Variants in DDX11 observed in about 807,000 individuals in gnomAD.
DDX11 encodes the protein DEAD/H-box helicase 11.
A neutral mutation model predicts 125.2 loss-of-function variants in DDX11; 72 were observed. The ratio of observed to expected loss-of-function variants is 0.58; its 90% CI spans 0.48 to 0.70. DDX11 has a LOEUF of 0.70. DDX11 is among the 30% of genes least tolerant of loss of function. The probability of loss-of-function intolerance (pLI) is 0.00; values close to 1 mark genes in which losing one functional copy is unlikely to be tolerated. For missense variants in DDX11, 883 were observed against 1,165.0 expected, an observed-to-expected ratio of 0.76 and a Z score of 3.52; for synonymous variants, 347 against 452.6, an observed-to-expected ratio of 0.77 and a Z score of 2.96.
chr12:31,090,608 C>T (rs1000836755), intron 9 of DDX11, among the ~76,000 whole-genome samples: 3 of 152,220 alleles, frequency 2.0e-5, no homozygotes, highest in Non-Finnish European at 4.4e-5. Context: ...GATTTTTAAA[C>T]AGAAGGAAGA....
In DDX11 at chr12:31,102,640, G is replaced by A. The variant is rs554375063; in HGVS notation, c.2372+113G>A. 341 of 966,256 alleles carry A rather than the reference G, an allele frequency of 3.5e-4. 1 individual carries two copies. In the African/African-American group the frequency reaches 3.8e-3, roughly 11 times the overall value. The allele number at this position is 966,256 out of a possible 1,614,324, so 59.9% of individuals were successfully genotyped here. A position where few individuals can be genotyped will look rare whatever the true frequency, so the allele number is the denominator to read the frequency against. On this transcript the variant is annotated intron_variant, in intron 23 of 26. Coordinates refer to ENST00000542838, the MANE Select transcript of DDX11 (RefSeq NM_030653.4). Reference sequence around the variant, plus strand: ...CCATTAGAGCCCACAGCTGGGCTGCGACTGCTCAGACCAGCCAGCTGGAGG... The same window carrying A: ...CCATTAGAGCCCACAGCTGGGCTGCAACTGCTCAGACCAGCCAGCTGGAGG...
chr12:31,099,076 C>CTTTTTTTT (rs1945864738), intron 18 of DDX11, among the ~76,000 whole-genome samples: 11 of 60,546 alleles, frequency 1.8e-4, no homozygotes, highest in African/African-American at 8.7e-4. Flanking sequence ...GTATTTCTTT[C>CTTTTTTTT]TTTCTTTCTT....
intron 1 of DDX11, chr12:31,074,367 CTG>C (rs2140355224): frequency 6.6e-6 from 1 of 152,374 alleles, no homozygotes; most frequent in Non-Finnish European, 1.5e-5. Context: ...CTTACGGAAA[CTG>C]AGCCCCAGCG....
chr12:31,086,923 G>A (rs1943265316), intron 5 of DDX11, among the ~76,000 whole-genome samples: 1 of 135,036 alleles, frequency 7.4e-6, no homozygotes, highest in African/African-American at 3.0e-5. Context: ...TGACCATGAA[G>A]CCAAGCCTGT....
In DDX11 at chr12:31,074,006, G is replaced by A. The variant is rs1565827656; in HGVS notation, c.-90G>A. The A allele has an allele frequency of 6.6e-6, 1 of 152,376 alleles. No individual in the cohort carries two copies. Among genetic ancestry groups the A allele is most frequent in the African/African-American group, 2.4e-5 (1 of 41,474 alleles). The allele number at this position is 152,376 out of a possible 1,614,324, so 9.4% of individuals were successfully genotyped here. A position where few individuals can be genotyped will look rare whatever the true frequency, so the allele number is the denominator to read the frequency against. ...GCTGTGTGGCAGCAGAGCTCCTTAG[G>A]ACGAGGAGCAGCGGGACGAGGAAGG... On this transcript the variant is annotated 5_prime_UTR_variant, in exon 1 of 27. Transcript: ENST00000542838.
At chr12:31,075,074 A>G (rs1206138768) in intron 1 of DDX11, among the ~76,000 whole-genome samples, 3 of 152,198 alleles carry the variant, frequency 2.0e-5, no homozygotes, top group Admixed American at 1.3e-4. Flanking sequence ...ACCTCGTTTT[A>G]TGAGCGTGAG....
intron 4 of DDX11, 71 bp from the exon 5 acceptor site, chr12:31,084,898 T>C: frequency 1.3e-6 from 2 of 1,543,106 alleles, no homozygotes; most frequent in Non-Finnish European, 1.8e-6. Context: ...GCTTTGTCTC[T>C]GGCATGTGGG....
chr12:31,102,056 A>G lies in DDX11; in HGVS notation c.2202+74A>G, dbSNP rs566412987. The stretch of plus-strand genomic sequence containing the variant: ...AGTCCTCCTGGGAGCTCTCGTGCTC[A>G]TCGGGTCAGGACAGGCTTCTGGCTC... On this transcript the variant is annotated intron_variant, in intron 21 of 26. Transcript: ENST00000542838. 85 of 1,581,214 alleles carry G rather than the reference A, an allele frequency of 5.4e-5. No homozygotes were observed. The African/African-American group carries it at 9.9e-4, about 18-fold the overall frequency.
intron 2 of DDX11, among the ~76,000 whole-genome samples, chr12:31,081,643 C>T (rs1322655265): frequency 4.6e-5 from 7 of 151,190 alleles, no homozygotes; most frequent in Non-Finnish European, 8.8e-5. Flanking sequence ...AGCTCTGAGC[C>T]CCATGCTTGC....
chr12:31,097,757 GTTTAA>G (rs1446021223), intron 17 of DDX11, 123 bp from the exon 18 acceptor site: 15 of 695,948 alleles, frequency 2.2e-5, no homozygotes, highest in Non-Finnish European at 3.2e-5. Flanking sequence ...ATTAAATGGT[GTTTAA>G]TTTAAAGAGA....
Position 31,092,267 on chromosome 12 carries a change from A to G in DDX11, c.1242+396A>G, listed in dbSNP as rs556766910. 1.7e-4 allele frequency among the ~76,000 whole-genome samples: 26 copies of G among 152,084 alleles called. No individual in the cohort carries two copies. The East Asian group carries it at 2.9e-3, about 17-fold the overall frequency. On this transcript the variant is annotated intron_variant, in intron 10 of 26. Transcript: ENST00000542838. ...CAGCGCAGGCTCCTCCTGCTGCCCT[A>G]TCATGCGCCATGCATGGCACCAGGT...
chr12:31,079,749 G>A (rs1941495772), intron 2 of DDX11, among the ~76,000 whole-genome samples: 1 of 152,162 alleles, frequency 6.6e-6, no homozygotes, highest in Non-Finnish European at 1.5e-5. Context: ...CCAAGTACCT[G>A]GTGGCTGGCA....
chr12:31,100,494 G>T, intron 18 of DDX11, 141 bp from the exon 19 acceptor site: 2 of 693,710 alleles, frequency 2.9e-6, no homozygotes, highest in Non-Finnish European at 4.8e-6. Context: ...TTTTCTTTTT[G>T]TTAGTTTGCC....
At chr12:31,077,365 TG>T (rs1421689475) in intron 1 of DDX11, among the ~76,000 whole-genome samples, 3 of 152,040 alleles carry the variant, frequency 2.0e-5, no homozygotes, top group African/African-American at 7.2e-5. Flanking sequence ...GAAAGAGAAA[TG>T]CCTGGTCTCA....
Position 31,093,184 on chromosome 12 carries a change from G to T in DDX11, c.1290-61G>T, listed in dbSNP as rs1453970101. ...CACCGGGCAGCAAGGCTTCCACTGG[G>T]GTGGGCGGGGCGAGTCGCCATCAGG... On this transcript the variant is annotated intron_variant, in intron 11 of 26. Transcript: ENST00000542838. The T allele has an allele frequency of 3.3e-6, 5 of 1,524,302 alleles. No individual in the cohort carries two copies. The East Asian group carries it at 1.2e-4, about 36-fold the overall frequency. 94.4% of individuals were successfully genotyped at this position (1,524,302 alleles called of 1,614,324 possible). A position where few individuals can be genotyped will look rare whatever the true frequency, so the allele number is the denominator to read the frequency against.
intron 15 of DDX11, 44 bp from the exon 16 acceptor site, chr12:31,096,593 G>T (rs1407112962): frequency 6.2e-7 from 1 of 1,606,714 alleles, no homozygotes; most frequent in Admixed American, 1.7e-5. Flanking sequence ...CTCTCTCATG[G>T]CTGTACCTCG....
chr12:31,091,862 C>T lies in DDX11; in HGVS notation c.1233C>T (p.Ser411=), dbSNP rs772235123. ...CGGGCATGCACAGCGTGGAGGTCAG[C>T]GGCTCCCAGGTGTGTGGGCCTCCCC... is the stretch of plus-strand genomic sequence containing the variant. ...TITGMHSVEV[S]GSQLCQAHSQ... The change falls in exon 10 of 27, where the codon AGC becomes AGT. Residue 411 remains serine, a synonymous_variant. Transcript: ENST00000542838. 4 of 1,613,640 alleles carry T rather than the reference C, an allele frequency of 2.5e-6. No individual in the cohort carries two copies. The highest frequency in any genetic ancestry group is 3.4e-6 in the Non-Finnish European group (4 of 1,179,820).
chr12:31,093,456 C>T (rs901818072), intron 12 of DDX11, 132 bp downstream of exon 12: 2 of 1,235,248 alleles, frequency 1.6e-6, no homozygotes, highest in Non-Finnish European at 1.2e-6. Flanking sequence ...TGGCTCACGC[C>T]TGTAATCCCA....
intron 2 of DDX11, among the ~76,000 whole-genome samples, chr12:31,083,445 C>G (rs1463213124): frequency 3.9e-5 from 6 of 152,160 alleles, no homozygotes; most frequent in African/African-American, 1.4e-4. Context: ...CCTGGGATTT[C>G]TTGCTCAGCA....
Sources: allele counts gnomAD v4.1 joint callset (sites outside exome capture counted in the v4.1 genomes callset), GRCh38; gene constraint gnomAD v4.1.1; transcripts MANE v1.5; gene names NCBI Gene and HGNC (gene_info 2026-07-23, HGNC 2026-07-21).